Variants in SMG1 observed in about 807,000 individuals in gnomAD.
SMG1 encodes SMG1 nonsense mediated mRNA decay associated PI3K related kinase.
Under a neutral mutation model 419.9 loss-of-function variants are expected in SMG1, and 22 were observed. That is an observed-to-expected ratio of 0.05 (90% CI 0.04 to 0.07). The LOEUF (loss-of-function observed/expected upper bound fraction) is 0.07. SMG1 is among the 10% of genes least tolerant of loss of function. The pLI, the probability that SMG1 is intolerant of heterozygous loss-of-function variation, is 1.00. For synonymous variants in SMG1, 1,538 were observed against 1,553.5 expected (o/e 0.99, Z 0.23); for missense variants, 3,185 against 4,342.0 (o/e 0.73, Z 7.49).
At chr16:18,836,695 G>C (rs1265278969) in intron 46 of SMG1, among the ~76,000 whole-genome samples, 163 bp from the exon 47 acceptor site, 1 of 152,110 alleles carries the variant, frequency 6.6e-6, no homozygotes, top group Non-Finnish European at 1.5e-5. Flanking sequence ...TCCTGACCCT[G>C]TGATTCCCTC....
chr16:18,922,556 T>G (rs2142036176), intron 1 of SMG1, among the ~76,000 whole-genome samples: 1 of 152,270 alleles, frequency 6.6e-6, no homozygotes, highest in South Asian at 2.1e-4. Context: ...CCTCCGCCTC[T>G]CAGGTTCAAG....
intron 6 of SMG1, 65 bp from the exon 7 acceptor site, chr16:18,885,731 GTTCA>G (rs1267908765): frequency 1.4e-5 from 21 of 1,486,084 alleles, no homozygotes; most frequent in Middle Eastern, 2.4e-4. Context: ...AGCAAATTAG[GTTCA>G]TTATTTACTG....
In SMG1 at chr16:18,872,091, T is replaced by A. The variant is rs541607114; in HGVS notation, c.2183+93A>T. ...ACCTCACCTCTATAATCCACATTTT[T>A]AAAAATTTTTTGTAATCCACATTTC... On this transcript the variant is annotated intron_variant, in intron 15 of 62. Transcript: ENST00000446231. 938 of 755,604 alleles carry A rather than the reference T, an allele frequency of 1.2e-3. 3 individuals carry two copies. Among genetic ancestry groups the A allele is most frequent in the South Asian group, 3.4e-3 (120 of 35,728 alleles). 46.8% of individuals were successfully genotyped at this position (755,604 alleles called of 1,614,324 possible).
intron 16 of SMG1, 111 bp downstream of exon 16, chr16:18,871,253 A>C (rs1336589449): frequency 1.8e-6 from 1 of 567,110 alleles, no homozygotes. Flanking sequence ...AATGAGGATT[A>C]CACATCTTCA....
chr16:18,807,460 A>C lies in SMG1; in HGVS notation c.*2109T>G, dbSNP rs998105086. On this transcript the variant is annotated 3_prime_UTR_variant, in exon 63 of 63. Coordinates refer to ENST00000446231, the MANE Select transcript of SMG1 (RefSeq NM_015092.5). The stretch of plus-strand genomic sequence containing the variant: ...AGGTTCCAAATGAATGAAGAAAACA[A>C]AATTTGATGCGCTAGGTTCCTTAAC... 1.5e-4 allele frequency: 23 copies of C among 152,178 alleles called. No homozygotes were observed. Among genetic ancestry groups the C allele is most frequent in the African/African-American group, 4.8e-4 (20 of 41,452 alleles). The allele number at this position is 152,178 out of a possible 1,614,324, so 9.4% of individuals were successfully genotyped here.
chr16:18,870,457 C>T (rs1269321415), intron 18 of SMG1, among the ~76,000 whole-genome samples, 153 bp downstream of exon 18: 2 of 152,162 alleles, frequency 1.3e-5, no homozygotes, highest in Non-Finnish European at 2.9e-5. Flanking sequence ...CTGCAAAATT[C>T]GATTATTTGA....
Position 18,832,590 on chromosome 16 carries a change from A to G in SMG1, c.8792+350T>C, listed in dbSNP as rs1015378108. 2.1e-3 allele frequency among the ~76,000 whole-genome samples: 313 copies of G among 149,612 alleles called. 1 individual carries two copies. The highest frequency in any genetic ancestry group is 5.4e-3 in the African/African-American group (213 of 39,370). On this transcript the variant is annotated intron_variant, in intron 51 of 62. Transcript: ENST00000446231. The stretch of plus-strand genomic sequence containing the variant: ...GACCGAACTATACACTTGCACACAC[A>G]CACACACACACACACACACACACAA...
chr16:18,829,296 G>A lies in SMG1; in HGVS notation c.9593C>T (p.Ala3198Val). ...TSLQRVQLHI[A>V]MFQWQHEDLL... Reference sequence around the variant, plus strand: ...AACAAAAACACTTACCTGAAACATGGCAATATGCAGCTGAACCCGCTGCAG... The same window carrying A: ...AACAAAAACACTTACCTGAAACATGACAATATGCAGCTGAACCCGCTGCAG... The change falls in exon 54 of 63, where the codon GCC becomes GTC. Residue 3198 changes from alanine to valine, a missense_variant. By Grantham distance (64) the Ala-to-Val change is moderately conservative (BLOSUM62 0). Around this residue, in one of 27 missense-constraint regions of SMG1, gnomAD observed 737 missense variants for 846.6 expected, o/e 0.87. Coordinates refer to ENST00000446231, the MANE Select transcript of SMG1 (RefSeq NM_015092.5). 6.2e-7 allele frequency: 1 copy of A among 1,610,728 alleles called. No homozygotes were observed. Among genetic ancestry groups the A allele is most frequent in the Middle Eastern group, 1.7e-4 (1 of 6,050 alleles).
Position 18,815,705 on chromosome 16 carries a change from T to C in SMG1, c.10303-54A>G, listed in dbSNP as rs543705949. On this transcript the variant is annotated intron_variant, in intron 58 of 62. Coordinates refer to ENST00000446231, the MANE Select transcript of SMG1 (RefSeq NM_015092.5). Reference sequence around the variant, plus strand: ...AAATAGTTTTAGTATCAGTAATTACTCTCAAGACAGTCACCTAGTGATTAA... The same window carrying C: ...AAATAGTTTTAGTATCAGTAATTACCCTCAAGACAGTCACCTAGTGATTAA... 6 of 1,464,776 alleles carry C rather than the reference T, an allele frequency of 4.1e-6. No individual in the cohort carries two copies. The African/African-American group carries it at 8.4e-5, about 20-fold the overall frequency. 90.7% of individuals were successfully genotyped at this position (1,464,776 alleles called of 1,614,324 possible).
chr16:18,847,534 T>A lies in SMG1; in HGVS notation c.5915A>T (p.Gln1972Leu). The change falls in exon 38 of 63, where the codon CAA becomes CTA. Residue 1972 changes from glutamine to leucine, a missense_variant. Gln to Leu is a moderately radical substitution (Grantham distance 113). This residue lies in a region of SMG1 where 130 missense variants were observed against 162.0 expected (regional missense o/e 0.80). Transcript: ENST00000446231. ...WDELWLGVLL[Q>L]QHMYVLRRIQ... Reference sequence around the variant, plus strand: ...TCGTCTCAGGACATACATGTGTTGTTGCAGCAAAACTCCCAGCCAGAGCTC... The same window carrying A: ...TCGTCTCAGGACATACATGTGTTGTAGCAGCAAAACTCCCAGCCAGAGCTC... The A allele has an allele frequency of 6.2e-7, 1 of 1,614,038 alleles. No individual in the cohort carries two copies. The highest frequency in any genetic ancestry group is 8.5e-7 in the Non-Finnish European group (1 of 1,179,898).
At chr16:18,863,218 G>C (rs1189625908) in intron 25 of SMG1, among the ~76,000 whole-genome samples, 1 of 152,134 alleles carries the variant, frequency 6.6e-6, no homozygotes, top group Non-Finnish European at 1.5e-5. Flanking sequence ...TTGAATTACA[G>C]AATAAAAGCA....
In SMG1 at chr16:18,926,194, G is replaced by C; in HGVS notation, c.-153C>G. 1.5e-6 allele frequency: 1 copy of C among 647,332 alleles called. No homozygotes were observed. Among genetic ancestry groups the C allele is most frequent in the Non-Finnish European group, 2.5e-6 (1 of 397,748 alleles). 40.1% of individuals were successfully genotyped at this position (647,332 alleles called of 1,614,324 possible). A position where few individuals can be genotyped will look rare whatever the true frequency, so the allele number is the denominator to read the frequency against. On this transcript the variant is annotated 5_prime_UTR_variant, in exon 1 of 63. Coordinates refer to ENST00000446231, the MANE Select transcript of SMG1 (RefSeq NM_015092.5). ...AGGAGGAGGAGGAGAAGGAGGAGGCGGCGGAGGGCGGGGGAAGAGGACGGC... is the reference window on the plus strand; with the variant it reads ...AGGAGGAGGAGGAGAAGGAGGAGGCCGCGGAGGGCGGGGGAAGAGGACGGC...
At chr16:18,886,791 G>C (rs2036630190) in intron 6 of SMG1, among the ~76,000 whole-genome samples, 1 of 152,010 alleles carries the variant, frequency 6.6e-6, no homozygotes, top group African/African-American at 2.4e-5. Context: ...AACAGAGCAA[G>C]ATTATGTCTC....
At chr16:18,902,938 T>G (rs1438700260) in intron 1 of SMG1, among the ~76,000 whole-genome samples, 1 of 152,036 alleles carries the variant, frequency 6.6e-6, no homozygotes, top group Non-Finnish European at 1.5e-5. Context: ...CACATCAGCC[T>G]CCCAAGTAGC....
In SMG1 at chr16:18,838,213, C is replaced by T. The variant is rs376829789; in HGVS notation, c.7214G>A (p.Arg2405His). The stretch of plus-strand genomic sequence containing the variant: ...CAGCGTCAGCAGGGTCTCTCTGCCA[C>T]GCCGCATAATGTGTAAAACCTGTTT... ...SCEQVLHIMR[R>H]GRETLLTLLE... The change falls in exon 45 of 63, where the codon CGT (arginine) becomes CAT (histidine). Residue 2405 changes from arginine (R) to histidine (H), a missense_variant. Physicochemically the swap from Arg to His is conservative, Grantham distance 29. This residue lies in a region of SMG1 where 60 missense variants were observed against 133.9 expected (regional missense o/e 0.45). Transcript: ENST00000446231. 8 of 1,611,336 alleles carry T rather than the reference C, an allele frequency of 5.0e-6. No individual in the cohort carries two copies. The African/African-American group carries it at 5.3e-5, about 11-fold the overall frequency.
At chr16:18,815,772 T>C (rs2031946129) in intron 58 of SMG1, 121 bp from the exon 59 acceptor site, 1 of 706,896 alleles carries the variant, frequency 1.4e-6, no homozygotes, top group African/African-American at 1.8e-5. Context: ...AACTGCTTAG[T>C]TCAACTCCAT....
At chr16:18,889,075 C>T (rs2036769004) in intron 6 of SMG1, among the ~76,000 whole-genome samples, 1 of 151,972 alleles carries the variant, frequency 6.6e-6, no homozygotes, top group Admixed American at 6.6e-5. Context: ...CCGCCTGCCT[C>T]GGCCTCCCAA....
At chr16:18,873,200 G>T (rs1181090649) in intron 13 of SMG1, among the ~76,000 whole-genome samples, 1 of 152,090 alleles carries the variant, frequency 6.6e-6, no homozygotes, top group Non-Finnish European at 1.5e-5. Flanking sequence ...ACACAGGAAT[G>T]AGAGTACCTG....
intron 1 of SMG1, among the ~76,000 whole-genome samples, chr16:18,897,607 A>G (rs144284985): frequency 0.011 from 1,746 of 152,352 alleles, 36 homozygotes; most frequent in African/African-American, 0.04. Context: ...GTTGTAGTTC[A>G]TAATCTATTT....
Sources: gnomAD v4.1 joint callset for allele counts (sites outside exome capture counted in the v4.1 genomes callset) on GRCh38, gnomAD v4.1.1 for gene constraint, gnomAD v4.1.1 regional missense constraint, MANE v1.5 for transcripts, NCBI Gene and HGNC (gene_info 2026-07-23, HGNC 2026-07-21) for gene names.